The following CHLSN variants were observed in gnomAD, a reference collection of about 807,000 sequenced individuals.
CHLSN encodes cholesin, also known as protein cholesin.
At chr7:986,927 A>G in the CHLSN span, 1 of 1,322,282 alleles carries the variant, frequency 7.6e-7, no homozygotes, top group Non-Finnish European at 1.0e-6. Context: ...GGGGCCTCTC[A>G]GAGCCTCAGT....
chr7:1,045,310 G>T, the CHLSN span: 1 of 152,258 alleles, frequency 6.6e-6, no homozygotes, highest in African/African-American at 2.4e-5. Flanking sequence ...GTGGACCAGA[G>T]GATAATTCTG....
chr7:983,264 T>TCTGCGC, the CHLSN span: 1 of 1,542,300 alleles, frequency 6.5e-7, no homozygotes, highest in Non-Finnish European at 8.7e-7. Flanking sequence ...TGGGGGCTGC[T>TCTGCGC]CTGCGCCTGC....
At chr7:1,094,868 G>A in the CHLSN span, among the ~76,000 whole-genome samples, 11 of 152,234 alleles carry the variant, frequency 7.2e-5, no homozygotes, top group East Asian at 2.1e-3. Context: ...GGAACAGAGC[G>A]CTGCCCAGAC....
the CHLSN span, chr7:1,055,244 AGGGAGGCAGAGGCCCTGCG>A: frequency 2.1e-6 from 1 of 471,068 alleles, no homozygotes; most frequent in South Asian, 1.5e-5. Flanking sequence ...GCGCCTGCCA[AGGGAGGCAGAGGCCCTGCG>A]GGGAACTTAC....
At chr7:1,097,858 G>A in the CHLSN span, among the ~76,000 whole-genome samples, 532 of 152,322 alleles carry the variant, frequency 3.5e-3, 4 homozygotes, top group African/African-American at 0.012. This position sits in a 1 kb window ranked among gnomAD's most constrained non-coding sequence, Gnocchi z 4.3. Flanking sequence ...AGGAGGGAAT[G>A]TGAGATAAAC....
At chr7:1,117,950 A>G in the CHLSN span, among the ~76,000 whole-genome samples, 1 of 152,198 alleles carries the variant, frequency 6.6e-6, no homozygotes, top group Non-Finnish European at 1.5e-5. Context: ...CTGGGACCAC[A>G]GGCCTGTGCT....
the CHLSN span, among the ~76,000 whole-genome samples, chr7:1,096,261 G>A: frequency 2.0e-5 from 3 of 152,216 alleles, no homozygotes; most frequent in Non-Finnish European, 4.4e-5. The surrounding 1 kb of genome is among the most constrained non-coding windows in gnomAD (Gnocchi z 4.6). Flanking sequence ...TCTAGCCGCC[G>A]GAAGCAGACT....
At chr7:1,059,657 G>GGCGGGTCCGTAATGAGGCGGGTCTTA in the CHLSN span, among the ~76,000 whole-genome samples, 1 of 90,154 alleles carries the variant, frequency 1.1e-5, no homozygotes, top group Non-Finnish European at 2.4e-5. Flanking sequence ...GGTCTTAGGG[G>GGCGGGTCCGTAATGAGGCGGGTCTTA]GGCGGGTCCA....
the CHLSN span, among the ~76,000 whole-genome samples, chr7:1,081,657 A>T: frequency 6.6e-6 from 1 of 151,874 alleles, no homozygotes; most frequent in Admixed American, 6.6e-5. Flanking sequence ...GTGGAGCTGG[A>T]GCCAGTCGAG....
the CHLSN span, among the ~76,000 whole-genome samples, chr7:1,089,139 T>C: frequency 6.6e-6 from 1 of 152,292 alleles, no homozygotes; most frequent in African/African-American, 2.4e-5. Context: ...CTCTGTGCCG[T>C]TTTTAAGAAA....
the CHLSN span, chr7:984,458 A>G: frequency 1.9e-6 from 3 of 1,550,620 alleles, no homozygotes; most frequent in South Asian, 3.6e-5. Flanking sequence ...CTGGGGCGCC[A>G]GAAGACGGTG....
the CHLSN span, among the ~76,000 whole-genome samples, chr7:978,290 G>A: frequency 5.8e-4 from 89 of 152,204 alleles, no homozygotes; most frequent in Non-Finnish European, 1.2e-3. Flanking sequence ...AGCCGAGGTG[G>A]GCGGACCACT....
the CHLSN span, chr7:1,127,238 G>A: frequency 1.3e-6 from 2 of 1,584,892 alleles, no homozygotes; most frequent in East Asian, 2.2e-5. Flanking sequence ...CAGGGCCAGT[G>A]AAGCACAGGC....
the CHLSN span, among the ~76,000 whole-genome samples, chr7:1,054,204 T>C: frequency 2.0e-5 from 3 of 152,202 alleles, no homozygotes; most frequent in South Asian, 2.1e-4. Context: ...CCAGGGAGAA[T>C]GTTGGGGCCA....
At chr7:1,008,200 G>A in the CHLSN span, among the ~76,000 whole-genome samples, 3 of 152,194 alleles carry the variant, frequency 2.0e-5, no homozygotes, top group Admixed American at 6.5e-5. Flanking sequence ...CATTCCTGCG[G>A]CTGGCACCTT....
At chr7:1,017,408 C>T in the CHLSN span, among the ~76,000 whole-genome samples, 1 of 152,166 alleles carries the variant, frequency 6.6e-6, no homozygotes, top group African/African-American at 2.4e-5. Context: ...GTCACCTGGC[C>T]TGGACCCCGT....
chr7:1,005,410 A>G, the CHLSN span, among the ~76,000 whole-genome samples: 1 of 152,222 alleles, frequency 6.6e-6, no homozygotes, highest in African/African-American at 2.4e-5. Context: ...CACAGCGTCC[A>G]CGTGCTCGTA....
At chr7:1,007,079 C>T in the CHLSN span, among the ~76,000 whole-genome samples, 17 of 152,262 alleles carry the variant, frequency 1.1e-4, no homozygotes, top group Admixed American at 9.8e-4. Flanking sequence ...GCAGAGCCTT[C>T]GGGGGATCTG....
the CHLSN span, among the ~76,000 whole-genome samples, chr7:1,016,662 CGCA>C: frequency 1.7e-5 from 1 of 58,542 alleles, no homozygotes; most frequent in African/African-American, 8.3e-5. Context: ...CACACAGCAG[CGCA>C]CAGCAGCACA....
Sources: allele counts gnomAD v4.1 joint callset (sites outside exome capture counted in the v4.1 genomes callset), GRCh38; gene constraint gnomAD v4.1.1; non-coding constraint Gnocchi (gnomAD v3.1); transcripts MANE v1.5; gene names NCBI Gene and HGNC (gene_info 2026-07-23, HGNC 2026-07-21).